CNGB3: variants seen among roughly 807,000 people sequenced by gnomAD.
CNGB3 encodes the protein cyclic nucleotide-gated channel beta-3.
In CNGB3, 86 loss-of-function variants were observed where a neutral mutation model predicts 92.8. The ratio of observed to expected loss-of-function variants is 0.93; its 90% confidence interval spans 0.78 to 1.11. The LOEUF (loss-of-function observed/expected upper bound fraction) is 1.11. CNGB3 is among the 50% of genes least tolerant of loss of function. The pLI is 0.00. For missense variants in CNGB3, 1,026 were observed against 956.8 expected (o/e 1.07, Z -0.95); for synonymous variants, 333 against 332.7 (o/e 1.00, Z -0.01).
At chr8:86,625,877 C>G in intron 13 of CNGB3, 106 bp downstream of exon 13, 1 of 904,058 alleles carries the variant, frequency 1.1e-6, no homozygotes, top group Non-Finnish European at 1.8e-6. Context: ...GTTATTTTGA[C>G]TTTGTTAAAA....
intron 3 of CNGB3, among the ~76,000 whole-genome samples, chr8:86,700,800 C>T (rs994863784): frequency 7.2e-5 from 11 of 152,040 alleles, no homozygotes; most frequent in Admixed American, 2.6e-4. Context: ...ACCACGCTGG[C>T]TAATTTTTGT....
chr8:86,698,002 T>A (rs955540534), intron 3 of CNGB3, among the ~76,000 whole-genome samples: 4 of 152,210 alleles, frequency 2.6e-5, no homozygotes, highest in Non-Finnish European at 5.9e-5. Flanking sequence ...TAGTATTCCA[T>A]GGTGTATACG....
chr8:86,604,903 A>T (rs1254932223), intron 14 of CNGB3, among the ~76,000 whole-genome samples: 1 of 152,216 alleles, frequency 6.6e-6, no homozygotes, highest in East Asian at 1.9e-4. Context: ...ACACTATTTA[A>T]TATAATCACA....
chr8:86,594,694 T>TG (rs1308147972), intron 15 of CNGB3: 50 of 175,554 alleles, frequency 2.8e-4, no homozygotes, highest in African/African-American at 1.2e-3. Flanking sequence ...TTAGACAGCT[T>TG]TTTTGTTTGT....
intron 3 of CNGB3, among the ~76,000 whole-genome samples, chr8:86,674,455 T>A (rs1823924111): frequency 6.6e-6 from 1 of 152,264 alleles, no homozygotes; most frequent in Non-Finnish European, 1.5e-5. Flanking sequence ...CAGCTTCTTT[T>A]CTAGGATCCT....
At chr8:86,709,419 T>C (rs565004540) in intron 3 of CNGB3, among the ~76,000 whole-genome samples, 1 of 152,174 alleles carries the variant, frequency 6.6e-6, no homozygotes. Context: ...TTGGCTGAGC[T>C]CAAACAGCCC....
intron 3 of CNGB3, among the ~76,000 whole-genome samples, chr8:86,713,950 C>T (rs973158088): frequency 1.3e-5 from 2 of 152,244 alleles, no homozygotes; most frequent in South Asian, 4.2e-4. Flanking sequence ...CCTTGCATAA[C>T]CTTCCCCATT....
chr8:86,713,774 A>C (rs895770896), intron 3 of CNGB3, among the ~76,000 whole-genome samples: 1 of 152,196 alleles, frequency 6.6e-6, no homozygotes, highest in African/African-American at 2.4e-5. Flanking sequence ...AAGAAATTCT[A>C]AAATTAATCA....
At chr8:86,739,833 G>A in intron 1 of CNGB3, 97 bp from the exon 2 acceptor site, 1 of 1,363,300 alleles carries the variant, frequency 7.3e-7, no homozygotes, top group Non-Finnish European at 1.0e-6. Flanking sequence ...TTGTCAATCA[G>A]ATCATTAAAA....
chr8:86,611,658 T>C lies in CNGB3; in HGVS notation c.1592A>G (p.Gln531Arg). The C allele has an allele frequency of 6.2e-7, 1 of 1,611,644 alleles. No homozygotes were observed. Among genetic ancestry groups the C allele is most frequent in the Non-Finnish European group, 8.5e-7 (1 of 1,177,896 alleles). The change falls in exon 14 of 18, where the codon CAG becomes CGG. Residue 531 changes from glutamine (Q) to arginine (R), a missense_variant. Coordinates refer to ENST00000320005, the MANE Select transcript of CNGB3 (RefSeq NM_019098.5). The stretch of plus-strand genomic sequence containing the variant: ...TCTTAGCAACATGTCATAAATCATC[T>C]GTGTATCACAACCCTATATAAAAAG... ...KVDLFKGCDT[Q>R]MIYDMLLRLK...
chr8:86,639,690 TG>T (rs1169057959), intron 10 of CNGB3, among the ~76,000 whole-genome samples: 1 of 152,036 alleles, frequency 6.6e-6, no homozygotes, highest in Non-Finnish European at 1.5e-5. Flanking sequence ...AAGGAGAAAT[TG>T]ATGTTAAAAA....
In CNGB3 at chr8:86,739,670, G is replaced by T; in HGVS notation, c.196C>A (p.His66Asn). The T allele has an allele frequency of 6.3e-7, 1 of 1,592,612 alleles. No homozygotes were observed. The change falls in exon 2 of 18, where the codon CAC (histidine) becomes AAC (asparagine). Residue 66 changes from histidine to asparagine, a missense_variant. Coordinates refer to ENST00000320005, the MANE Select transcript of CNGB3 (RefSeq NM_019098.5). ...KSTPVTSEEP[H>N]TNIQDKLSKK... ...GCATTCTGACCTTGTATGTTGGTGT[G>T]TGGCTCTTCAGACGTGACTGGAGTT...
chr8:86,628,507 G>C (rs1010900105), intron 12 of CNGB3, among the ~76,000 whole-genome samples: 9 of 152,156 alleles, frequency 5.9e-5, no homozygotes, highest in African/African-American at 2.2e-4. Context: ...CAAGAGTTTG[G>C]AAGAGAAGAG....
intron 15 of CNGB3, among the ~76,000 whole-genome samples, chr8:86,599,056 T>C (rs1822234780): frequency 6.6e-6 from 1 of 152,180 alleles, no homozygotes; most frequent in South Asian, 2.1e-4. Context: ...TGAAGGTTTG[T>C]TGCAGGAAGT....
intron 6 of CNGB3, 48 bp from the exon 7 acceptor site, chr8:86,654,110 A>G (rs552426184): frequency 8.0e-7 from 1 of 1,249,916 alleles, no homozygotes; most frequent in South Asian, 1.2e-5. Context: ...TTCATCAATT[A>G]TTTTTTTCTC....
At chr8:86,625,489 T>G in intron 13 of CNGB3, among the ~76,000 whole-genome samples, 1 of 152,314 alleles carries the variant, frequency 6.6e-6, no homozygotes, top group East Asian at 1.9e-4. Flanking sequence ...AAAAATTTCT[T>G]TGTTATAATT....
At chr8:86,732,442 T>G (rs6988548) in intron 2 of CNGB3, among the ~76,000 whole-genome samples, 11,799 of 152,136 alleles carry the variant, frequency 0.078, 866 homozygotes, top group African/African-American at 0.2. Flanking sequence ...TAAATGGAAA[T>G]GAGAGCAGTC....
At chr8:86,614,957 A>G (rs188013282) in intron 13 of CNGB3, among the ~76,000 whole-genome samples, 1 of 152,252 alleles carries the variant, frequency 6.6e-6, no homozygotes, top group Admixed American at 6.5e-5. Context: ...CATGGATTCC[A>G]CCTCCACGGG....
intron 6 of CNGB3, among the ~76,000 whole-genome samples, chr8:86,663,696 G>T (rs890691966): frequency 2.6e-5 from 4 of 152,152 alleles, no homozygotes; most frequent in Admixed American, 6.5e-5. Context: ...TTCAGGTTGG[G>T]TACTCAATGT....
Sources: allele counts gnomAD v4.1 joint callset (sites outside exome capture counted in the v4.1 genomes callset), GRCh38; gene constraint gnomAD v4.1.1; transcripts MANE v1.5; gene names NCBI Gene and HGNC (gene_info 2026-07-23, HGNC 2026-07-21).